The following RGL1 variants were observed in gnomAD, a reference collection of about 807,000 sequenced individuals.
The protein encoded by RGL1 is ral guanine nucleotide dissociation stimulator like 1, also known as ral guanine nucleotide dissociation stimulator-like 1.
RGL1 carries 24 observed loss-of-function variants against 95.2 expected under a neutral mutation model. The observed-to-expected ratio is 0.25, with a 90% confidence interval of 0.18 to 0.35. The LOEUF is 0.35. Among genes scored for constraint, RGL1 ranks in the 10% least tolerant of loss-of-function variants. The pLI, the probability that RGL1 is intolerant of heterozygous loss-of-function variation, is 1.00. For synonymous variants in RGL1, 329 were observed against 344.9 expected (o/e 0.95, Z 0.51); for missense variants, 715 against 936.3 (o/e 0.76, Z 3.08).
chr1:183,853,627 T>C (rs1420722250), intron 3 of RGL1, among the ~76,000 whole-genome samples: 1 of 152,230 alleles, frequency 6.6e-6, no homozygotes, highest in Non-Finnish European at 1.5e-5. Context: ...TCTTCCCATG[T>C]TTGCTTGCCA....
chr1:183,855,624 G>A (rs1665089881), intron 3 of RGL1, among the ~76,000 whole-genome samples: 1 of 152,120 alleles, frequency 6.6e-6, no homozygotes, highest in African/African-American at 2.4e-5. Context: ...GAGAGCACTG[G>A]GAAACATACT....
chr1:183,800,096 A>G (rs1464399275), intron 2 of RGL1, among the ~76,000 whole-genome samples: 1 of 152,220 alleles, frequency 6.6e-6, no homozygotes, highest in Non-Finnish European at 1.5e-5. Flanking sequence ...ATTTAAACTC[A>G]TATGCCATAT....
At position 183,927,569 on chromosome 1, in the gene RGL1, C is replaced by T. The variant is rs573508861; in HGVS notation, c.*1277C>T. ...AATAACTTTTTTTTTTCCAGGTTCC[C>T]GTGCTTGCTATCACAGTATCATTGT... On this transcript the variant is annotated 3_prime_UTR_variant, in exon 18 of 18. Coordinates refer to ENST00000360851, the MANE Select transcript of RGL1 (RefSeq NM_001297671.3). The T allele has an allele frequency of 2.0e-5, 3 of 152,528 alleles. No homozygotes were observed. Among genetic ancestry groups the T allele is most frequent in the African/African-American group, 7.2e-5 (3 of 41,486 alleles). The allele number at this position is 152,528 out of a possible 1,614,324, so 9.4% of individuals were successfully genotyped here.
chr1:183,849,783 C>T (rs138492487), intron 3 of RGL1, among the ~76,000 whole-genome samples: 1,862 of 152,074 alleles, frequency 0.012, 34 homozygotes, highest in African/African-American at 0.041. Flanking sequence ...CCGCTGCGCC[C>T]AGCAAATTTG....
Position 183,806,466 on chromosome 1 carries a change from A to T in RGL1, c.119A>T (p.Lys40Ile). 6.2e-7 allele frequency: 1 copy of T among 1,613,636 alleles called. No homozygotes were observed. Among genetic ancestry groups the T allele is most frequent in the Non-Finnish European group, 8.5e-7 (1 of 1,179,590 alleles). ...KRVQIQQAAN[K>I]GARWLGVEGD... ...GTCCAGATTCAACAGGCTGCCAATAAAGGAGCAAGATGGCTAGGGGTGAGT... is the reference window on the plus strand; with the variant it reads ...GTCCAGATTCAACAGGCTGCCAATATAGGAGCAAGATGGCTAGGGGTGAGT... The change falls in exon 2 of 18, where the codon AAA (lysine) becomes ATA (isoleucine). Residue 40 changes from lysine to isoleucine, a missense_variant. Lys to Ile is a moderately radical substitution (Grantham distance 102). Around this residue, in one of 3 missense-constraint regions of RGL1, gnomAD observed 381 missense variants for 484.8 expected, o/e 0.79. Transcript: ENST00000360851.
chr1:183,705,800 T>C (rs1027883210), intron 1 of RGL1, among the ~76,000 whole-genome samples: 2 of 152,178 alleles, frequency 1.3e-5, no homozygotes, highest in African/African-American at 2.4e-5. Flanking sequence ...ATCTGGCTTT[T>C]TGACAGGTAG....
At position 183,713,382 on chromosome 1, in the gene RGL1, C is replaced by G. The variant is rs546658363; in HGVS notation, c.-32-28744C>G. Among the ~76,000 whole-genome samples, 6 of 134,922 alleles carry G rather than the reference C, an allele frequency of 4.4e-5. 1 individual carries two copies. The East Asian group carries it at 1.3e-3, about 30-fold the overall frequency. 88.5% of individuals were successfully genotyped at this position (134,922 alleles called of 152,430 possible). ...GAAAAAAAAATCTAGAGGCACCCCC[C>G]CCCCCCGCTTTTATAATGACCCTTT... On this transcript the variant is annotated intron_variant, in intron 1 of 18. Transcript: ENST00000304685.
At chr1:183,925,524 A>G (rs2102768552) in intron 17 of RGL1, among the ~76,000 whole-genome samples, 1 of 148,902 alleles carries the variant, frequency 6.7e-6, no homozygotes, top group East Asian at 2.0e-4. Flanking sequence ...CAGCACATGT[A>G]TCCCAAAACT....
At chr1:183,828,986 G>A (rs1050435778) in intron 2 of RGL1, among the ~76,000 whole-genome samples, 2 of 152,180 alleles carry the variant, frequency 1.3e-5, no homozygotes, top group Non-Finnish European at 2.9e-5. Context: ...ATTTCATTTT[G>A]TCATCATAGG....
chr1:183,710,604 A>G (rs1211496484), intron 1 of RGL1, among the ~76,000 whole-genome samples: 1 of 152,170 alleles, frequency 6.6e-6, no homozygotes, highest in Non-Finnish European at 1.5e-5. Context: ...GCCTGGCTAG[A>G]GAGGCCTCAG....
intron 2 of RGL1, chr1:183,742,435 T>G: frequency 1.1e-6 from 1 of 882,280 alleles, no homozygotes; most frequent in Non-Finnish European, 1.8e-6. Flanking sequence ...GGAGAACAAG[T>G]AAGTCAGGAG....
intron 1 of RGL1, among the ~76,000 whole-genome samples, chr1:183,642,934 T>C (rs1650025742): frequency 6.6e-6 from 1 of 152,220 alleles, no homozygotes; most frequent in Non-Finnish European, 1.5e-5. Flanking sequence ...TCTGTACCCA[T>C]TAAACAATAA....
intron 2 of RGL1, among the ~76,000 whole-genome samples, chr1:183,820,935 C>T (rs1662440373): frequency 6.6e-6 from 1 of 151,924 alleles, no homozygotes; most frequent in African/African-American, 2.4e-5. Context: ...GAGTTTGAGA[C>T]CAGCCTGGCC....
chr1:183,804,976 GA>G (rs1300101013), upstream of RGL1: 2 of 262,394 alleles, frequency 7.6e-6, no homozygotes, highest in Non-Finnish European at 7.1e-6. Flanking sequence ...CAGAACTGGA[GA>G]AACGCTTTCA....
chr1:183,824,334 C>T (rs796425932), intron 2 of RGL1, among the ~76,000 whole-genome samples: 1 of 152,088 alleles, frequency 6.6e-6, no homozygotes, highest in Non-Finnish European at 1.5e-5. Flanking sequence ...GTTATTTATC[C>T]GGCCCTGGAG....
chr1:183,779,220 CTT>C lies in RGL1; in HGVS notation c.133-27154_133-27153del, dbSNP rs1491169895. Among the ~76,000 whole-genome samples, 204 of 146,916 alleles carry C rather than the reference CTT, an allele frequency of 1.4e-3. 3 individuals carry two copies. The highest frequency in any genetic ancestry group is 4.8e-3 in the African/African-American group (188 of 39,082). On this transcript the variant is annotated intron_variant, in intron 2 of 18. Coordinates refer to the RGL1 transcript ENST00000304685. ...CCTTCCTTCCTTCCTTCCTTCCTTC[CTT>C]CCTTCCCTCCCTCCCACCTTCCTTC...
At chr1:183,723,275 C>T (rs1039399958) in intron 1 of RGL1, among the ~76,000 whole-genome samples, 1 of 152,184 alleles carries the variant, frequency 6.6e-6, no homozygotes, top group Admixed American at 6.5e-5. Flanking sequence ...AGCCTTCAAC[C>T]AATTGTCCTC....
At chr1:183,894,210 T>C (rs1267805198) in intron 9 of RGL1, among the ~76,000 whole-genome samples, 2 of 152,262 alleles carry the variant, frequency 1.3e-5, no homozygotes, top group Non-Finnish European at 2.9e-5. Context: ...CAAACAGTCC[T>C]GAGTCTTCCT....
At chr1:183,833,285 C>G (rs1173819645) in intron 2 of RGL1, among the ~76,000 whole-genome samples, 2 of 152,124 alleles carry the variant, frequency 1.3e-5, no homozygotes. Context: ...TGACTTTATC[C>G]AAGCTTTTAT....
Sources: gnomAD v4.1 joint callset for allele counts (sites outside exome capture counted in the v4.1 genomes callset) on GRCh38, gnomAD v4.1.1 for gene constraint, gnomAD v4.1.1 regional missense constraint, MANE v1.5 for transcripts, NCBI Gene and HGNC (gene_info 2026-07-23, HGNC 2026-07-21) for gene names.